Variants in LAMA4 observed in about 807,000 individuals in gnomAD.
LAMA4 encodes laminin subunit alpha-4.
LAMA4 carries 127 observed loss-of-function variants against 207.1 expected under a neutral mutation model. The observed-to-expected ratio is 0.61, with a 90% CI of 0.53 to 0.71. The LOEUF is 0.71. LAMA4 is among the 30% of genes least tolerant of loss of function. The pLI, the probability that LAMA4 is intolerant of heterozygous loss-of-function variation, is 0.00. For synonymous variants in LAMA4, 761 were observed against 816.0 expected (o/e 0.93, Z 1.15); for missense variants, 2,093 against 2,246.5 (o/e 0.93, Z 1.38).
At chr6:112,236,995 G>A (rs1554366266) in intron 2 of LAMA4, 1 of 152,170 alleles carries the variant, frequency 6.6e-6, no homozygotes, top group East Asian at 1.9e-4. Flanking sequence ...AATAAAAACT[G>A]AATGAACATC....
chr6:112,201,724 T>C (rs1554352543), intron 4 of LAMA4, 36 bp from the exon 5 acceptor site: 17 of 1,530,826 alleles, frequency 1.1e-5, no homozygotes, highest in African/African-American at 5.5e-5. Flanking sequence ...GTCAATTCCA[T>C]ACATCACCAA....
At chr6:112,116,741 T>G (rs1002547882) in intron 35 of LAMA4, among the ~76,000 whole-genome samples, 3 of 152,132 alleles carry the variant, frequency 2.0e-5, no homozygotes, top group Non-Finnish European at 2.9e-5. Context: ...CATTTAAAAT[T>G]TTTTCCTGTT....
At chr6:112,146,528 C>T (rs1237525241) in intron 18 of LAMA4, among the ~76,000 whole-genome samples, 1 of 152,142 alleles carries the variant, frequency 6.6e-6, no homozygotes, top group East Asian at 1.9e-4. Context: ...TTTAACAAGG[C>T]CTCCAGGTGA....
In LAMA4 at chr6:112,139,808, C is replaced by A. The variant is rs183262122; in HGVS notation, c.3054G>T (p.Leu1018Phe). ...LATLNNDVIS[L>F]YNFKHIYNMD... ...TATTATAGATGTGCTTAAAGTTGTA[C>A]AAGCTGATCACATCATTATTCAAAG... is the stretch of plus-strand genomic sequence containing the variant. Residue 1018 changes from leucine to phenylalanine, a missense_variant, in exon 23 of 39, where the codon TTG (leucine) becomes TTT (phenylalanine). This residue lies in a region of LAMA4 where 1,704 missense variants were observed against 1,788.4 expected (regional missense o/e 0.95). Transcript: ENST00000230538. The A allele has an allele frequency of 4.2e-4, 678 of 1,614,030 alleles. No individual in the cohort carries two copies. Among genetic ancestry groups the A allele is most frequent in the Non-Finnish European group, 3.9e-4 (466 of 1,179,912 alleles).
At chr6:112,136,356 C>G (rs1779346846) in intron 24 of LAMA4, 102 bp from the exon 25 acceptor site, 2 of 928,816 alleles carry the variant, frequency 2.2e-6, no homozygotes, top group African/African-American at 3.3e-5. Flanking sequence ...ATTACTGGAA[C>G]TATTTGAAGA....
intron 2 of LAMA4, chr6:112,234,907 GATATCCAA>G (rs1785800693): frequency 6.6e-6 from 1 of 152,028 alleles, no homozygotes; most frequent in South Asian, 2.1e-4. Flanking sequence ...AATATCTTTG[GATATCCAA>G]ATATCTTCGG....
intron 11 of LAMA4, among the ~76,000 whole-genome samples, chr6:112,173,726 A>C (rs1241997995): frequency 6.6e-6 from 1 of 152,184 alleles, no homozygotes; most frequent in African/African-American, 2.4e-5. Flanking sequence ...TATGTCAGTA[A>C]TGTCTTTCTA....
intron 4 of LAMA4, among the ~76,000 whole-genome samples, chr6:112,203,886 AT>A (rs1783905417): frequency 6.6e-6 from 1 of 152,180 alleles, no homozygotes; most frequent in Non-Finnish European, 1.5e-5. Flanking sequence ...TTTAGAGCAC[AT>A]TCTCTAAGTC....
chr6:112,220,460 G>A (rs73764716), intron 2 of LAMA4, among the ~76,000 whole-genome samples: 11,568 of 152,176 alleles, frequency 0.076, 708 homozygotes, highest in East Asian at 0.27. Flanking sequence ...GTAACTTTAT[G>A]AGGAAATGAG....
chr6:112,220,216 T>C lies in LAMA4; in HGVS notation c.196-3747A>G, dbSNP rs73544368. The stretch of plus-strand genomic sequence containing the variant: ...TTTGACCAATTACCTTCCACTAAGT[T>C]ACTTGTAGATCTTTTACAGCTCTTT... On this transcript the variant is annotated intron_variant, in intron 2 of 38. Transcript: ENST00000230538. Among the ~76,000 whole-genome samples, 1,304 of 152,318 alleles carry C rather than the reference T, an allele frequency of 8.6e-3. 26 individuals carry two copies. Among genetic ancestry groups the C allele is most frequent in the African/African-American group, 0.029 (1,213 of 41,578 alleles).
intron 4 of LAMA4, among the ~76,000 whole-genome samples, chr6:112,202,291 A>G (rs1308375959): frequency 6.6e-6 from 1 of 152,170 alleles, no homozygotes; most frequent in East Asian, 1.9e-4. Context: ...TTTAAAGATA[A>G]TAAAAATTAG....
chr6:112,253,927 G>T (rs1554190425), intron 2 of LAMA4, 29 bp downstream of exon 2: 2 of 1,610,164 alleles, frequency 1.2e-6, no homozygotes, highest in Admixed American at 3.4e-5. Context: ...AGGTGCCCCA[G>T]CAGGGTGGCA....
chr6:112,171,229 TA>T (rs1781690786), intron 12 of LAMA4, among the ~76,000 whole-genome samples: 1 of 151,512 alleles, frequency 6.6e-6, no homozygotes, highest in South Asian at 2.1e-4. Flanking sequence ...TTTTTTTTTT[TA>T]AACTACTGGT....
chr6:112,254,814 T>G (rs1787751185), upstream of LAMA4: 1 of 152,468 alleles, frequency 6.6e-6, no homozygotes, highest in Non-Finnish European at 1.5e-5. Flanking sequence ...CCCCGCTAGT[T>G]TGCAGGAAAG....
intron 3 of LAMA4, among the ~76,000 whole-genome samples, chr6:112,213,346 A>C (rs1164162717): frequency 6.6e-6 from 1 of 152,170 alleles, no homozygotes; most frequent in Non-Finnish European, 1.5e-5. Flanking sequence ...CCAGCCACCT[A>C]TCTGCTTCCA....
intron 2 of LAMA4, among the ~76,000 whole-genome samples, chr6:112,220,196 C>A (rs1784847559): frequency 6.6e-6 from 1 of 152,134 alleles, no homozygotes; most frequent in East Asian, 1.9e-4. Flanking sequence ...TTCTCTTTGA[C>A]CAATTACCTT....
At chr6:112,115,060 G>A (rs1777934456) in intron 36 of LAMA4, among the ~76,000 whole-genome samples, 1 of 152,112 alleles carries the variant, frequency 6.6e-6, no homozygotes, top group Non-Finnish European at 1.5e-5. Flanking sequence ...TTGAAGTATT[G>A]GTGAAGAACA....
rs587686683 is a variant in LAMA4 at position 112,124,791 on chromosome 6, T to G, written c.4288-2590A>C. On this transcript the variant is annotated intron_variant, in intron 31 of 38. Coordinates refer to ENST00000230538, the MANE Select transcript of LAMA4 (RefSeq NM_001105206.3). The stretch of plus-strand genomic sequence containing the variant: ...TTTTTTTTTTGAGACAGTTTTGCTC[T>G]TGTTGCCCAGGCTGGAGTGCAGTGG... Among the ~76,000 whole-genome samples the G allele has an allele frequency of 4.0e-5, 6 of 151,626 alleles. No individual in the cohort carries two copies. The South Asian group carries it at 1.3e-3, about 32-fold the overall frequency.
chr6:112,176,390 A>G (rs1357615756), intron 10 of LAMA4, among the ~76,000 whole-genome samples: 1 of 152,224 alleles, frequency 6.6e-6, no homozygotes, highest in South Asian at 2.1e-4. Flanking sequence ...GTGGTTTACT[A>G]TGATCTATGT....
Sources: gnomAD v4.1 joint callset for allele counts (sites outside exome capture counted in the v4.1 genomes callset) on GRCh38, gnomAD v4.1.1 for gene constraint, gnomAD v4.1.1 regional missense constraint, MANE v1.5 for transcripts, NCBI Gene and HGNC (gene_info 2026-07-23, HGNC 2026-07-21) for gene names.